Variants in UVRAG observed in about 807,000 individuals in gnomAD.
The protein encoded by UVRAG is UV radiation resistance-associated gene protein.
Under a neutral mutation model 78.0 loss-of-function variants are expected in UVRAG, and 19 were observed. The ratio of observed to expected loss-of-function variants is 0.24; its 90% CI spans 0.17 to 0.36. The LOEUF (loss-of-function observed/expected upper bound fraction) is 0.36, where lower values mean the gene tolerates loss of function less well. Ranked by LOEUF, UVRAG falls within the 10% of genes least tolerant of loss-of-function variation. The pLI, the probability that UVRAG is intolerant of heterozygous loss-of-function variation, is 1.00. For missense variants in UVRAG, 740 were observed against 853.8 expected (o/e 0.87, Z 1.66); for synonymous variants, 323 against 324.6 (o/e 1.00, Z 0.05).
At chr11:75,930,922 C>T (rs1022535228) in intron 6 of UVRAG, 1 of 104,792 alleles carries the variant, frequency 9.5e-6, no homozygotes, top group African/African-American at 3.3e-5. Flanking sequence ...GGTAAAGTGT[C>T]GGGATTTTCT....
chr11:76,089,460 T>C (rs1565156133), intron 13 of UVRAG, among the ~76,000 whole-genome samples: 6 of 152,152 alleles, frequency 3.9e-5, no homozygotes, highest in Admixed American at 2.0e-4. Flanking sequence ...TATATTCATA[T>C]TGACAGTATA....
intron 8 of UVRAG, among the ~76,000 whole-genome samples, chr11:75,989,327 G>T (rs1565106968): frequency 6.6e-6 from 1 of 152,092 alleles, no homozygotes; most frequent in Non-Finnish European, 1.5e-5. Context: ...AGGATTACAG[G>T]TGTGAGCTAC....
At chr11:76,051,334 A>G (rs1950862783) in intron 12 of UVRAG, among the ~76,000 whole-genome samples, 1 of 152,050 alleles carries the variant, frequency 6.6e-6, no homozygotes, top group African/African-American at 2.4e-5. Context: ...ATGGCTGTTA[A>G]TGTTGTGGAA....
intron 8 of UVRAG, among the ~76,000 whole-genome samples, chr11:76,000,060 G>A (rs1263662469): frequency 3.3e-5 from 5 of 151,506 alleles, no homozygotes; most frequent in Non-Finnish European, 7.4e-5. Flanking sequence ...CAATAGTGAA[G>A]AAAAATGAAA....
chr11:75,978,590 C>T (rs542603303), intron 7 of UVRAG, among the ~76,000 whole-genome samples: 6 of 152,258 alleles, frequency 3.9e-5, no homozygotes, highest in Non-Finnish European at 8.8e-5. Context: ...TTTCTCTAAA[C>T]TTCTCTTCTA....
intron 8 of UVRAG, among the ~76,000 whole-genome samples, chr11:75,986,600 T>TA (rs1949505412): frequency 6.6e-6 from 1 of 152,138 alleles, no homozygotes; most frequent in Non-Finnish European, 1.5e-5. Flanking sequence ...TGCAGAAAAT[T>TA]AAAAAATCGG....
At chr11:76,107,750 G>A (rs11822333) in intron 13 of UVRAG, among the ~76,000 whole-genome samples, 20,612 of 149,438 alleles carry the variant, frequency 0.14, 3,579 homozygotes, top group African/African-American at 0.41. Flanking sequence ...AAAGAATTAC[G>A]TTTTCTTCTA....
At chr11:76,132,874 T>C (rs751894012) in intron 14 of UVRAG, among the ~76,000 whole-genome samples, 5 of 152,216 alleles carry the variant, frequency 3.3e-5, no homozygotes, top group Non-Finnish European at 5.9e-5. Context: ...GTAGATGTTT[T>C]GGTGACAACA....
intron 5 of UVRAG, among the ~76,000 whole-genome samples, chr11:75,910,667 A>G (rs986145402): frequency 2.0e-5 from 3 of 152,022 alleles, no homozygotes; most frequent in South Asian, 4.2e-4. Context: ...GGGAATTGCA[A>G]TAGGGAAAGA....
chr11:75,975,167 G>C (rs562090561), intron 7 of UVRAG, among the ~76,000 whole-genome samples: 46 of 152,320 alleles, frequency 3.0e-4, no homozygotes, highest in African/African-American at 1.0e-3. Flanking sequence ...TCAAAGATCA[G>C]ATGGTTGTAG....
chr11:75,833,015 G>C (rs997550770), intron 1 of UVRAG, among the ~76,000 whole-genome samples: 3 of 152,218 alleles, frequency 2.0e-5, no homozygotes, highest in Non-Finnish European at 4.4e-5. Flanking sequence ...TTTGGAGTTA[G>C]ATTGTAAAGG....
intron 12 of UVRAG, among the ~76,000 whole-genome samples, chr11:76,053,612 C>T (rs535389155): frequency 2.0e-5 from 3 of 152,256 alleles, no homozygotes; most frequent in African/African-American, 7.2e-5. Context: ...GTCCTGTTCA[C>T]CTTTATTTAC....
chr11:76,027,221 A>G (rs147216160), intron 12 of UVRAG, among the ~76,000 whole-genome samples: 1 of 152,236 alleles, frequency 6.6e-6, no homozygotes, highest in Non-Finnish European at 1.5e-5. Flanking sequence ...TGGAAGAAGT[A>G]TTTTTATCAA....
chr11:75,828,774 T>C (rs867093115), intron 1 of UVRAG, among the ~76,000 whole-genome samples: 4,050 of 100,496 alleles, frequency 0.04, 180 homozygotes, highest in African/African-American at 0.13. Context: ...TATATATATA[T>C]ACACACATAT....
chr11:75,978,402 T>G (rs1380351840), intron 7 of UVRAG, among the ~76,000 whole-genome samples: 1 of 152,246 alleles, frequency 6.6e-6, no homozygotes, highest in Non-Finnish European at 1.5e-5. Flanking sequence ...TTCCTGAATT[T>G]GAATGCTGGC....
At chr11:75,954,209 A>G (rs1302760194) in intron 6 of UVRAG, among the ~76,000 whole-genome samples, 3 of 152,188 alleles carry the variant, frequency 2.0e-5, no homozygotes, top group Non-Finnish European at 2.9e-5. Context: ...ATTGGAGGAA[A>G]TGTGACTCTG....
At chr11:76,040,548 G>GT (rs1360117792) in intron 12 of UVRAG, among the ~76,000 whole-genome samples, 2 of 151,174 alleles carry the variant, frequency 1.3e-5, no homozygotes, top group Non-Finnish European at 2.9e-5. Flanking sequence ...TTGTTTGTTT[G>GT]TTTTGTTTTG....
intron 2 of UVRAG, among the ~76,000 whole-genome samples, chr11:75,860,758 G>A (rs1301195851): frequency 6.6e-6 from 1 of 151,272 alleles, no homozygotes; most frequent in Admixed American, 6.6e-5. Flanking sequence ...AAGTCAAATT[G>A]TTCTTTGAGC....
rs137920626 is a variant in UVRAG at position 75,989,471 on chromosome 11, T to A, written c.826+5958T>A. Among the ~76,000 whole-genome samples, 401 of 152,352 alleles carry A rather than the reference T, an allele frequency of 2.6e-3. 2 individuals are homozygous for A. The highest frequency in any genetic ancestry group is 4.3e-3 in the Non-Finnish European group (294 of 68,030). ...TTGTTTTCCTTCTCTCAGGAATCAT[T>A]ATACTAGGCTGCCTCTTATCTATTG... On this transcript the variant is annotated intron_variant, in intron 8 of 14. Coordinates refer to ENST00000356136, the MANE Select transcript of UVRAG (RefSeq NM_003369.4).
Sources: allele counts gnomAD v4.1 joint callset (sites outside exome capture counted in the v4.1 genomes callset), GRCh38; gene constraint gnomAD v4.1.1; transcripts MANE v1.5; gene names NCBI Gene and HGNC (gene_info 2026-07-23, HGNC 2026-07-21).